Variants in DCUN1D2 observed in about 807,000 individuals in gnomAD.
DCUN1D2 encodes the protein defective in cullin neddylation 1 domain containing 2, also known as DCN1-like protein 2.
DCUN1D2 carries 29 observed loss-of-function variants against 30.9 expected under a neutral mutation model. That is an observed-to-expected ratio of 0.94 (90% CI 0.70 to 1.28). The LOEUF is 1.28. Among genes scored for constraint, DCUN1D2 ranks in the 50% most tolerant of loss-of-function variants. The pLI, the probability that DCUN1D2 is intolerant of heterozygous loss-of-function variation, is 0.00. For synonymous variants in DCUN1D2, 121 were observed against 115.3 expected (o/e 1.05, Z -0.32); for missense variants, 325 against 316.9 (o/e 1.03, Z -0.19).
At chr13:113,460,196 T>C (rs2044296284) in intron 5 of DCUN1D2, among the ~76,000 whole-genome samples, 1 of 152,188 alleles carries the variant, frequency 6.6e-6, no homozygotes, top group African/African-American at 2.4e-5. Context: ...TGACGTCACC[T>C]TCCACAGACA....
intron 4 of DCUN1D2, among the ~76,000 whole-genome samples, chr13:113,463,763 C>T (rs1035178062): frequency 3.6e-5 from 5 of 137,562 alleles, no homozygotes; most frequent in Admixed American, 2.8e-4. Flanking sequence ...CACAAAGAGA[C>T]ACAGACACAC....
chr13:113,457,983 C>T lies in DCUN1D2; in HGVS notation c.*46G>A, dbSNP rs199641878. ...CCAGGAACTGACTGCAATCTCCTTG[C>T]AGGATACAAATCATTTCATAATCTT... On this transcript the variant is annotated 3_prime_UTR_variant, in exon 7 of 7. Coordinates refer to ENST00000478244, the MANE Select transcript of DCUN1D2 (RefSeq NM_001014283.2). 2.1e-5 allele frequency: 32 copies of T among 1,549,374 alleles called. No individual in the cohort carries two copies. The highest frequency in any genetic ancestry group is 6.7e-5 in the Admixed American group (4 of 59,896).
chr13:113,461,061 A>C lies in DCUN1D2; in HGVS notation c.596T>G (p.Phe199Cys). The C allele has an allele frequency of 6.2e-7, 1 of 1,604,106 alleles. No individual in the cohort carries two copies. The highest frequency in any genetic ancestry group is 8.5e-7 in the Non-Finnish European group (1 of 1,172,136). Reference sequence around the variant, plus strand: ...ATGCAGGAGGACACTTACCATTAAGAATGTGTTCCAGAGATCTAAAAATTT... The same window carrying C: ...ATGCAGGAGGACACTTACCATTAAGCATGTGTTCCAGAGATCTAAAAATTT... ...RFKFLDLWNT[F>C]LMEHHKRSIP... The change falls in exon 5 of 7, where the codon TTC (phenylalanine) becomes TGC (cysteine). Residue 199 changes from phenylalanine (F) to cysteine (C), a missense_variant. Physicochemically the swap from Phe to Cys is radical, Grantham distance 205. Coordinates refer to ENST00000478244, the MANE Select transcript of DCUN1D2 (RefSeq NM_001014283.2).
At chr13:113,484,310 CTGCA>C (rs2044764145) in intron 1 of DCUN1D2, 1 of 658,156 alleles carries the variant, frequency 1.5e-6, no homozygotes, top group Non-Finnish European at 2.3e-6. Context: ...CCAGTTCACT[CTGCA>C]TGAAGTGTGA....
In DCUN1D2 at chr13:113,490,373, C is replaced by G. The variant is rs1352705195; in HGVS notation, c.3+294G>C. On this transcript the variant is annotated intron_variant, in intron 1 of 6. Transcript: ENST00000478244. This position sits in a 1 kb window ranked among gnomAD's most constrained non-coding sequence, Gnocchi z 5.2. ...GAAGCCCCCGGCCTGGGTTCCCGCTCGGCCCCGGCCCCTGCCCCAAGGCCC... is the reference window on the plus strand; with the variant it reads ...GAAGCCCCCGGCCTGGGTTCCCGCTGGGCCCCGGCCCCTGCCCCAAGGCCC... The G allele has an allele frequency of 3.4e-6, 1 of 290,724 alleles. No individual in the cohort carries two copies. Among genetic ancestry groups the G allele is most frequent in the Non-Finnish European group, 6.3e-6 (1 of 157,554 alleles). 18.0% of individuals were successfully genotyped at this position (290,724 alleles called of 1,614,324 possible). A position where few individuals can be genotyped will look rare whatever the true frequency, so the allele number is the denominator to read the frequency against.
intron 4 of DCUN1D2, chr13:113,468,972 G>C (rs1359905213): frequency 6.6e-6 from 1 of 152,516 alleles, no homozygotes; most frequent in Admixed American, 6.5e-5. Flanking sequence ...CGAGCCTGAA[G>C]TAGGCTGTGG....
In DCUN1D2 at chr13:113,490,341, G is replaced by A. The variant is rs1310471234; in HGVS notation, c.3+326C>T. On this transcript the variant is annotated intron_variant, in intron 1 of 6. Transcript: ENST00000478244. The surrounding 1 kb of genome is among the most constrained non-coding windows in gnomAD (Gnocchi z 5.2). ...CGCCTCGACTGCCCGTTTCGAAGCCGCCCTGGGAAGCCCCCGGCCTGGGTT... is the reference window on the plus strand; with the variant it reads ...CGCCTCGACTGCCCGTTTCGAAGCCACCCTGGGAAGCCCCCGGCCTGGGTT... The A allele has an allele frequency of 3.9e-6, 1 of 255,002 alleles. No individual in the cohort carries two copies. The highest frequency in any genetic ancestry group is 7.4e-6 in the Non-Finnish European group (1 of 134,714). 15.8% of individuals were successfully genotyped at this position (255,002 alleles called of 1,614,324 possible).
intron 2 of DCUN1D2, among the ~76,000 whole-genome samples, chr13:113,483,576 C>T (rs1447445765): frequency 6.6e-6 from 1 of 152,240 alleles, no homozygotes; most frequent in Non-Finnish European, 1.5e-5. Flanking sequence ...TCAGACTCAC[C>T]GCACAGAACA....
rs551995669 is a variant in DCUN1D2 at position 113,459,513 on chromosome 13, A to C, written c.604-105T>G. ...TCTTCAATTAATGTTCATTAATTTG[A>C]TTAGGAACAAGTACAATAAAATTGT... On this transcript the variant is annotated intron_variant, in intron 5 of 6. Transcript: ENST00000478244. 6.8e-5 allele frequency: 42 copies of C among 618,762 alleles called. No homozygotes were observed. In the South Asian group the frequency reaches 8.3e-4, roughly 12 times the overall value. 38.3% of individuals were successfully genotyped at this position (618,762 alleles called of 1,614,324 possible).
At chr13:113,466,335 A>G (rs114091415) in intron 4 of DCUN1D2, among the ~76,000 whole-genome samples, 59 of 152,382 alleles carry the variant, frequency 3.9e-4, no homozygotes, top group African/African-American at 1.4e-3. Context: ...GATAAAAAAT[A>G]AAGAGTTTTA....
chr13:113,462,761 G>C (rs1267471762), intron 4 of DCUN1D2: 2 of 1,064,484 alleles, frequency 1.9e-6, no homozygotes, highest in Non-Finnish European at 2.3e-6. Flanking sequence ...GCAGTAAAAT[G>C]CTAAGAAGAT....
intron 2 of DCUN1D2, among the ~76,000 whole-genome samples, chr13:113,481,912 A>T (rs960963197): frequency 2.0e-5 from 3 of 151,838 alleles, no homozygotes; most frequent in African/African-American, 7.3e-5. Flanking sequence ...AGAAAGCCAT[A>T]AACATCCTTC....
chr13:113,460,723 C>T lies in DCUN1D2; in HGVS notation c.603+331G>A, dbSNP rs184279728. On this transcript the variant is annotated intron_variant, in intron 5 of 6. Coordinates refer to ENST00000478244, the MANE Select transcript of DCUN1D2 (RefSeq NM_001014283.2). The stretch of plus-strand genomic sequence containing the variant: ...GGATTCGGAGTTCTCAGTGGAAAGA[C>T]AGAATTACCGTCTAGGTCCTCAGAG... 2.6e-5 allele frequency among the ~76,000 whole-genome samples: 4 copies of T among 152,348 alleles called. No homozygotes were observed. In the East Asian group the frequency reaches 5.8e-4, roughly 22 times the overall value.
At chr13:113,471,119 AC>A (rs1156735910) in intron 4 of DCUN1D2, among the ~76,000 whole-genome samples, 6 of 150,664 alleles carry the variant, frequency 4.0e-5, no homozygotes, top group African/African-American at 1.5e-4. Flanking sequence ...ACGCAACTCC[AC>A]AGGGGACCCA....
chr13:113,472,011 G>A (rs1272461365), intron 4 of DCUN1D2, among the ~76,000 whole-genome samples: 1 of 152,152 alleles, frequency 6.6e-6, no homozygotes, highest in Non-Finnish European at 1.5e-5. Context: ...TTTTAAGTCG[G>A]GGGAGAGTGT....
At position 113,481,152 on chromosome 13, in the gene DCUN1D2, C is replaced by T. The variant is rs189051851; in HGVS notation, c.221-409G>A. 3.8e-4 allele frequency among the ~76,000 whole-genome samples: 58 copies of T among 152,270 alleles called. No homozygotes were observed. The East Asian group carries it at 5.6e-3, about 15-fold the overall frequency. ...AATATCTTGAGTTTTTATCACAACT[C>T]TGCCAAAGTAAATGAATGATTGATG... On this transcript the variant is annotated intron_variant, in intron 2 of 6. Transcript: ENST00000478244.
At chr13:113,483,201 C>T (rs1040975545) in intron 2 of DCUN1D2, among the ~76,000 whole-genome samples, 2 of 152,118 alleles carry the variant, frequency 1.3e-5, no homozygotes, top group African/African-American at 2.4e-5. Flanking sequence ...ATGCTCATCA[C>T]GGCAGTCTCA....
Position 113,464,377 on chromosome 13 carries a change from C to T in DCUN1D2, c.521-3241G>A, listed in dbSNP as rs536486559. Reference sequence around the variant, plus strand: ...TTGATGCTTAAGGAAATTTATAAAACGCAGGCTGAACATGGTAGGTCCTGA... The same window carrying T: ...TTGATGCTTAAGGAAATTTATAAAATGCAGGCTGAACATGGTAGGTCCTGA... On this transcript the variant is annotated intron_variant, in intron 4 of 6. Coordinates refer to ENST00000478244, the MANE Select transcript of DCUN1D2 (RefSeq NM_001014283.2). Among the ~76,000 whole-genome samples, 6 of 152,320 alleles carry T rather than the reference C, an allele frequency of 3.9e-5. No individual in the cohort carries two copies. In the East Asian group the frequency reaches 5.8e-4, roughly 15 times the overall value.
At chr13:113,484,204 T>C in intron 1 of DCUN1D2, 148 bp from the exon 2 acceptor site, 2 of 1,449,800 alleles carry the variant, frequency 1.4e-6, no homozygotes, top group Non-Finnish European at 1.8e-6. Context: ...CTTCTGAAAA[T>C]GGAAACAACA....
Sources: gnomAD v4.1 joint callset for allele counts (sites outside exome capture counted in the v4.1 genomes callset) on GRCh38, gnomAD v4.1.1 for gene constraint, Gnocchi (gnomAD v3.1) non-coding constraint, MANE v1.5 for transcripts, NCBI Gene and HGNC (gene_info 2026-07-23, HGNC 2026-07-21) for gene names.